The following MGAT5B variants were observed in gnomAD, a reference collection of about 807,000 sequenced individuals.
MGAT5B encodes N-acetylglucosaminyl-transferase Vb.
Under a neutral mutation model 95.1 loss-of-function variants are expected in MGAT5B, and 54 were observed. The observed-to-expected ratio is 0.57, with a 90% CI of 0.46 to 0.71. The LOEUF is 0.71. Among genes scored for constraint, MGAT5B ranks in the 30% least tolerant of loss-of-function variants. MGAT5B has a pLI of 0.00. For missense variants in MGAT5B, 935 were observed against 1,088.6 expected, an observed-to-expected ratio of 0.86 and a Z score of 1.99; for synonymous variants, 464 against 451.0, an observed-to-expected ratio of 1.03 and a Z score of -0.36.
chr17:76,882,527 A>G (rs547205), intron 3 of MGAT5B: 143,297 of 480,202 alleles, frequency 0.3, 26,537 homozygotes, highest in African/African-American at 0.59. Flanking sequence ...GAAAACTAAA[A>G]GGCCTTTTAA....
chr17:76,947,783 C>T (rs371794823), intron 16 of MGAT5B, 47 bp from the exon 17 acceptor site: 250 of 1,503,766 alleles, frequency 1.7e-4, no homozygotes, highest in Non-Finnish European at 2.1e-4. Context: ...CTCCCAGGCA[C>T]ACCTGGGTCG....
intron 3 of MGAT5B, 90 bp downstream of exon 3, chr17:76,882,388 GA>G: frequency 7.0e-7 from 1 of 1,435,686 alleles, no homozygotes; most frequent in East Asian, 2.5e-5. Flanking sequence ...CTCCTTTTGT[GA>G]ATCTGGAGAA....
Position 76,882,255 on chromosome 17 carries a change from G to A in MGAT5B, c.286G>A (p.Glu96Lys), listed in dbSNP as rs765551365. The part of the protein sequence containing the change: ...DALARLENSS[E>K]LHRAGGDLHF... ...ACTGGCCAGGCTGGAGAACAGCAGTGAGCTGCACCGGGCCGGCGGCGACCT... is the reference window on the plus strand; with the variant it reads ...ACTGGCCAGGCTGGAGAACAGCAGTAAGCTGCACCGGGCCGGCGGCGACCT... The change falls in exon 3 of 18, where the codon GAG becomes AAG. Residue 96 changes from glutamate to lysine, a missense_variant. Transcript: ENST00000569840. The A allele has an allele frequency of 4.3e-6, 7 of 1,613,350 alleles. No homozygotes were observed. In the African/African-American group the frequency reaches 8.0e-5, roughly 18 times the overall value.
Position 76,905,918 on chromosome 17 carries a change from C to T in MGAT5B, c.856-100C>T. The T allele has an allele frequency of 7.5e-7, 1 of 1,333,744 alleles. No individual in the cohort carries two copies. The highest frequency in any genetic ancestry group is 1.0e-6 in the Non-Finnish European group (1 of 990,620). 82.6% of individuals were successfully genotyped at this position (1,333,744 alleles called of 1,614,324 possible). ...CACCTGCTGGGGCCCAGCCTGGAGACAGGGTCTGCTGCCGGCTGGTCTCCT... is the reference window on the plus strand; with the variant it reads ...CACCTGCTGGGGCCCAGCCTGGAGATAGGGTCTGCTGCCGGCTGGTCTCCT... On this transcript the variant is annotated intron_variant, in intron 7 of 17. Transcript: ENST00000569840. This position sits in a 1 kb window ranked among gnomAD's most constrained non-coding sequence, Gnocchi z 4.2.
At chr17:76,876,139 A>G (rs923403368) in intron 2 of MGAT5B, among the ~76,000 whole-genome samples, 3 of 152,152 alleles carry the variant, frequency 2.0e-5, no homozygotes, top group East Asian at 1.9e-4. Context: ...GCAGTGTGCA[A>G]TGTGGGTTTA....
chr17:76,934,934 G>A (rs1324048480), intron 12 of MGAT5B, among the ~76,000 whole-genome samples: 1 of 152,160 alleles, frequency 6.6e-6, no homozygotes, highest in East Asian at 1.9e-4. Flanking sequence ...GGAGGAAGGA[G>A]GGGAGATGGA....
chr17:76,947,936 G>A lies in MGAT5B; in HGVS notation c.2030G>A (p.Ser677Asn), dbSNP rs747637428. The A allele has an allele frequency of 1.6e-5, 26 of 1,613,122 alleles. No individual in the cohort carries two copies. Among genetic ancestry groups the A allele is most frequent in the Non-Finnish European group, 2.0e-5 (24 of 1,179,504 alleles). ...CACCTCGAGTGGGCTCGGAACACCA[G>A]CTTGGCTCCTGGGGCCTGGCCCCCC... is the stretch of plus-strand genomic sequence containing the variant. ...ATHLEWARNT[S>N]LAPGAWPPAH... Residue 677 changes from serine (S) to asparagine (N), a missense_variant, in exon 17 of 18, where the codon AGC becomes AAC. This residue lies in a region of MGAT5B where 440 missense variants were observed against 523.6 expected (regional missense o/e 0.84). Coordinates refer to ENST00000569840, the MANE Select transcript of MGAT5B (RefSeq NM_001199172.2).
At chr17:76,892,324 G>A (rs1198634045) in intron 3 of MGAT5B, among the ~76,000 whole-genome samples, 7 of 152,294 alleles carry the variant, frequency 4.6e-5, no homozygotes, top group East Asian at 1.9e-4. Flanking sequence ...TTGGGATTAC[G>A]GGCGTGAGCC....
chr17:76,894,000 C>G (rs895827892), intron 3 of MGAT5B, among the ~76,000 whole-genome samples: 1 of 152,186 alleles, frequency 6.6e-6, no homozygotes, highest in African/African-American at 2.4e-5. Flanking sequence ...TTCCAGCAAC[C>G]CAGCGTGTCT....
rs756058919 is a variant in MGAT5B at position 76,903,333 on chromosome 17, C to T, written c.476C>T (p.Ala159Val). Residue 159 changes from alanine to valine, a missense_variant, in exon 5 of 18, where the codon GCA (alanine) becomes GTA (valine). Physicochemically the swap from Ala to Val is moderately conservative, Grantham distance 64. Around this residue, in one of 4 missense-constraint regions of MGAT5B, gnomAD observed 243 missense variants for 228.2 expected, o/e 1.06. Coordinates refer to ENST00000569840, the MANE Select transcript of MGAT5B (RefSeq NM_001199172.2). ...VSEGRRDQCEAPSDPKFPDCS... is the reference protein window; with the variant it reads ...VSEGRRDQCEVPSDPKFPDCS... ...GAAGGCCGGCGGGACCAGTGTGAGG[C>T]ACCCAGTGACCCCAAGTTCCCTGAC... 1.1e-5 allele frequency: 18 copies of T among 1,610,526 alleles called. No homozygotes were observed. In the South Asian group the frequency reaches 1.8e-4, roughly 16 times the overall value.
intron 8 of MGAT5B, among the ~76,000 whole-genome samples, chr17:76,919,838 C>T (rs1252882622): frequency 6.6e-6 from 1 of 152,236 alleles, no homozygotes; most frequent in East Asian, 1.9e-4. Flanking sequence ...GTGGTGCAAC[C>T]ATCGCCACCA....
rs1243587865 is a variant in MGAT5B at position 76,870,190 on chromosome 17, A to T, written c.68+1093A>T. On this transcript the variant is annotated intron_variant, in intron 1 of 17. Coordinates refer to ENST00000569840, the MANE Select transcript of MGAT5B (RefSeq NM_001199172.2). This position sits in a 1 kb window ranked among gnomAD's most constrained non-coding sequence, Gnocchi z 5.0. ...GTCCCCCTGCCGGCTCCAGACGGGG[A>T]TGGGGGCGGGGAGACGGTGGCTCAC... Among the ~76,000 whole-genome samples the T allele has an allele frequency of 6.6e-6, 1 of 151,996 alleles. No homozygotes were observed.
At chr17:76,947,732 G>T (rs1970077062) in intron 16 of MGAT5B, 98 bp from the exon 17 acceptor site, 3 of 1,451,176 alleles carry the variant, frequency 2.1e-6, no homozygotes, top group Non-Finnish European at 2.7e-6. Context: ...GCCCAGTAGT[G>T]GTGGCTCGTA....
At position 76,903,216 on chromosome 17, in the gene MGAT5B, T is replaced by G. The variant is rs111252696; in HGVS notation, c.446-87T>G. ...GGTGGGAAAGCCTGGCAGCGGATTG[T>G]GTGGGAAGCTGCCTCCCGCACGCAG... is the stretch of plus-strand genomic sequence containing the variant. On this transcript the variant is annotated intron_variant, in intron 4 of 17. Transcript: ENST00000569840. 1.5e-3 allele frequency: 1,451 copies of G among 982,136 alleles called. 15 individuals are homozygous for G. The African/African-American group carries it at 0.021, about 14-fold the overall frequency. 60.8% of individuals were successfully genotyped at this position (982,136 alleles called of 1,614,324 possible).
rs1387660232 is a variant in MGAT5B at position 76,870,243 on chromosome 17, C to T, written c.68+1146C>T. ...GGAGCCCGCCTCCCAGCACACCGGG[C>T]CTGTCTGCTGGGCCGAGGAGGCAAC... On this transcript the variant is annotated intron_variant, in intron 1 of 17. Transcript: ENST00000569840. This position sits in a 1 kb window ranked among gnomAD's most constrained non-coding sequence, Gnocchi z 5.0. 6.6e-6 allele frequency among the ~76,000 whole-genome samples: 1 copy of T among 152,172 alleles called. No individual in the cohort carries two copies. The highest frequency in any genetic ancestry group is 1.5e-5 in the Non-Finnish European group (1 of 68,012).
chr17:76,947,351 C>G (rs1029094325), intron 16 of MGAT5B, among the ~76,000 whole-genome samples: 1 of 152,154 alleles, frequency 6.6e-6, no homozygotes. Flanking sequence ...GGGTCAGGGC[C>G]GTGGCCAGAA....
At chr17:76,872,490 T>C (rs1035064900) in intron 1 of MGAT5B, among the ~76,000 whole-genome samples, 13 of 152,216 alleles carry the variant, frequency 8.5e-5, no homozygotes, top group African/African-American at 2.9e-4. Flanking sequence ...GGCATTGGCA[T>C]TTCTAAGGAG....
At chr17:76,888,982 C>G (rs776674309) in intron 3 of MGAT5B, among the ~76,000 whole-genome samples, 1 of 152,274 alleles carries the variant, frequency 6.6e-6, no homozygotes, top group East Asian at 1.9e-4. Flanking sequence ...GCTGGCTGCA[C>G]GAGGGTCGGC....
chr17:76,878,591 C>A (rs1253283852), intron 2 of MGAT5B, among the ~76,000 whole-genome samples: 2 of 152,180 alleles, frequency 1.3e-5, no homozygotes, highest in African/African-American at 4.8e-5. Context: ...CCTCCCACCT[C>A]AGCCCTGAAA....
Sources: allele counts gnomAD v4.1 joint callset (sites outside exome capture counted in the v4.1 genomes callset), GRCh38; gene constraint gnomAD v4.1.1; regional missense constraint gnomAD v4.1.1; non-coding constraint Gnocchi (gnomAD v3.1); transcripts MANE v1.5; gene names NCBI Gene and HGNC (gene_info 2026-07-23, HGNC 2026-07-21).